SLC35F3: variants seen among roughly 807,000 people sequenced by gnomAD.
The protein encoded by SLC35F3 is putative thiamine transporter SLC35F3.
Under a neutral mutation model 49.9 loss-of-function variants are expected in SLC35F3, and 25 were observed. That is an observed-to-expected ratio of 0.50 (90% confidence interval 0.37 to 0.70). The LOEUF is 0.70. Ranked by LOEUF, SLC35F3 falls within the 30% of genes least tolerant of loss-of-function variation. The probability of loss-of-function intolerance (pLI) is 0.00; values close to 1 mark genes in which losing one functional copy is unlikely to be tolerated. For missense variants in SLC35F3, 525 were observed against 639.8 expected (o/e 0.82, Z 1.94); for synonymous variants, 275 against 265.4 (o/e 1.04, Z -0.35).
rs1359196366 is a variant in SLC35F3 at position 234,316,604 on chromosome 1, T to C, written c.831T>C (p.Ile277=). ...VLRDRFMGVR[I]VAAILAIAGI... ...AGCATTTTCTTCCGTCTGTCCAGATTGTGGCCGCCATCCTCGCCATCGCTG... is the reference window on the plus strand; with the variant it reads ...AGCATTTTCTTCCGTCTGTCCAGATCGTGGCCGCCATCCTCGCCATCGCTG... Residue 277 remains isoleucine (I), a splice_region_variant and synonymous_variant, in exon 5 of 8, where the codon ATT becomes ATC. Coordinates refer to ENST00000366618, the MANE Select transcript of SLC35F3 (RefSeq NM_173508.4). 1 of 1,607,826 alleles carries C rather than the reference T, an allele frequency of 6.2e-7. No individual in the cohort carries two copies. Among genetic ancestry groups the C allele is most frequent in the African/African-American group, 1.3e-5 (1 of 74,848 alleles).
intron 2 of SLC35F3, among the ~76,000 whole-genome samples, chr1:234,186,848 G>A (rs1666651029): frequency 6.6e-6 from 1 of 152,186 alleles, no homozygotes; most frequent in South Asian, 2.1e-4. Context: ...CCCATAGTGA[G>A]CCTGAGACTT....
chr1:234,142,569 A>G (rs1212379069), intron 2 of SLC35F3, among the ~76,000 whole-genome samples: 1 of 151,760 alleles, frequency 6.6e-6, no homozygotes, highest in African/African-American at 2.4e-5. Context: ...AAATGGAAAT[A>G]TTTACTGCCC....
chr1:234,250,382 C>T (rs988081436), intron 3 of SLC35F3, among the ~76,000 whole-genome samples: 2 of 152,156 alleles, frequency 1.3e-5, no homozygotes, highest in Non-Finnish European at 2.9e-5. Context: ...GGGCCGGGCG[C>T]GGTGGCTCAC....
At chr1:233,928,321 T>A (rs2102791913) in intron 2 of SLC35F3, among the ~76,000 whole-genome samples, 1 of 152,262 alleles carries the variant, frequency 6.6e-6, no homozygotes, top group South Asian at 2.1e-4. Context: ...TGTGAGCACA[T>A]CACTGAGTGA....
intron 3 of SLC35F3, among the ~76,000 whole-genome samples, chr1:234,268,307 C>A (rs148740917): frequency 0.027 from 4,046 of 151,624 alleles, 179 homozygotes; most frequent in African/African-American, 0.092. Flanking sequence ...AAACGAAAAC[C>A]AGTCAGGCGT....
At chr1:234,209,926 T>G (rs1482738974) in intron 2 of SLC35F3, among the ~76,000 whole-genome samples, 1 of 152,190 alleles carries the variant, frequency 6.6e-6, no homozygotes, top group African/African-American at 2.4e-5. Context: ...AAAGTAGAAT[T>G]TTAAAAACAG....
At chr1:234,057,392 C>T (rs1664472656) in intron 2 of SLC35F3, among the ~76,000 whole-genome samples, 1 of 151,974 alleles carries the variant, frequency 6.6e-6, no homozygotes, top group African/African-American at 2.4e-5. Flanking sequence ...ATTTATTCCA[C>T]AGTATTTTAT....
chr1:234,153,645 G>A (rs1045265460), intron 2 of SLC35F3, among the ~76,000 whole-genome samples: 1 of 152,106 alleles, frequency 6.6e-6, no homozygotes, highest in African/African-American at 2.4e-5. Context: ...CTCACATTCT[G>A]GCTGGGCACA....
intron 2 of SLC35F3, among the ~76,000 whole-genome samples, chr1:233,975,387 G>A (rs1470253958): frequency 1.3e-5 from 2 of 152,228 alleles, no homozygotes; most frequent in East Asian, 3.9e-4. Context: ...GGGGACCTTG[G>A]AAAACCAATT....
intron 2 of SLC35F3, among the ~76,000 whole-genome samples, chr1:234,119,149 G>T (rs1461080286): frequency 6.6e-6 from 1 of 152,130 alleles, no homozygotes; most frequent in African/African-American, 2.4e-5. Flanking sequence ...TCACATGGCA[G>T]GGGTGGGGTG....
At chr1:233,938,234 A>G (rs1246061338) in intron 2 of SLC35F3, among the ~76,000 whole-genome samples, 1 of 152,218 alleles carries the variant, frequency 6.6e-6, no homozygotes, top group Non-Finnish European at 1.5e-5. Context: ...AGCAGAGAAT[A>G]CAATAAAGCT....
intron 3 of SLC35F3, among the ~76,000 whole-genome samples, chr1:234,251,779 T>A (rs1349414150): frequency 6.6e-6 from 1 of 152,172 alleles, no homozygotes; most frequent in Non-Finnish European, 1.5e-5. Context: ...TTCAGACAAA[T>A]GTCCTGAAAT....
intron 2 of SLC35F3, among the ~76,000 whole-genome samples, chr1:234,197,082 A>G (rs1306113120): frequency 6.6e-6 from 1 of 152,256 alleles, no homozygotes; most frequent in Non-Finnish European, 1.5e-5. Flanking sequence ...TGGGCATTTT[A>G]AAGGGTCTTG....
At chr1:234,253,784 C>T (rs1667775681) in intron 3 of SLC35F3, among the ~76,000 whole-genome samples, 1 of 152,134 alleles carries the variant, frequency 6.6e-6, no homozygotes, top group Admixed American at 6.5e-5. Flanking sequence ...CAAATAAGGT[C>T]AAGAGCAGCC....
At chr1:234,144,899 G>A (rs1367443562) in intron 2 of SLC35F3, among the ~76,000 whole-genome samples, 1 of 152,180 alleles carries the variant, frequency 6.6e-6, no homozygotes, top group Non-Finnish European at 1.5e-5. Flanking sequence ...AGGAATACGT[G>A]GTGTGGGAGC....
chr1:234,322,887 G>A (rs1657659842), intron 7 of SLC35F3, 121 bp from the exon 8 acceptor site: 1 of 779,868 alleles, frequency 1.3e-6, no homozygotes, highest in Non-Finnish European at 2.1e-6. Context: ...GGAGAATCCT[G>A]TGGTCCAGGG....
At chr1:234,071,817 A>G (rs1664716064) in intron 2 of SLC35F3, among the ~76,000 whole-genome samples, 1 of 152,202 alleles carries the variant, frequency 6.6e-6, no homozygotes, top group African/African-American at 2.4e-5. Flanking sequence ...ATTAATGGCC[A>G]AGGACCACCC....
At chr1:234,193,737 C>T (rs919181863) in intron 2 of SLC35F3, among the ~76,000 whole-genome samples, 2 of 152,106 alleles carry the variant, frequency 1.3e-5, no homozygotes, top group African/African-American at 4.8e-5. Flanking sequence ...CAAACTCAAA[C>T]AAATTAGCAA....
At chr1:234,123,149 A>G (rs942232349) in intron 2 of SLC35F3, among the ~76,000 whole-genome samples, 2 of 152,166 alleles carry the variant, frequency 1.3e-5, no homozygotes, top group Non-Finnish European at 2.9e-5. Flanking sequence ...TGATTTTTTA[A>G]TAATCACCAT....
Sources: gnomAD v4.1 joint callset for allele counts (sites outside exome capture counted in the v4.1 genomes callset) on GRCh38, gnomAD v4.1.1 for gene constraint, MANE v1.5 for transcripts, NCBI Gene and HGNC (gene_info 2026-07-23, HGNC 2026-07-21) for gene names.